The following SGCE variants were observed in gnomAD, a reference collection of about 807,000 sequenced individuals.
SGCE encodes the protein sarcoglycan epsilon.
A neutral mutation model predicts 57.8 loss-of-function variants in SGCE; 26 were observed. The observed-to-expected ratio is 0.45, with a 90% CI of 0.33 to 0.62. SGCE has a LOEUF of 0.62. SGCE is among the 20% of genes least tolerant of loss of function. The pLI is 0.02. For synonymous variants in SGCE, 183 were observed against 189.5 expected (o/e 0.97, Z 0.28); for missense variants, 468 against 548.6 (o/e 0.85, Z 1.47).
rs375983969 is a variant in SGCE, at chr7:94,628,357, C to T, written c.235G>A (p.Glu79Lys). The change falls in exon 3 of 11, where the codon GAG (glutamate) becomes AAG (lysine). Residue 79 changes from glutamate to lysine, a missense_variant and splice_region_variant. Glu to Lys is a moderately conservative substitution (Grantham distance 56). Transcript: ENST00000648936. ...GEFPPYPKPGEISNDPITFNT... is the reference protein window; with the variant it reads ...GEFPPYPKPGKISNDPITFNT... ...AATGTTATGGGATCATTACTAATCT[C>T]GCCTAGATAAGAAACAGAGAATTAA... 43 of 1,606,574 alleles carry T rather than the reference C, an allele frequency of 2.7e-5. No individual in the cohort carries two copies. Among genetic ancestry groups the T allele is most frequent in the Middle Eastern group, 3.4e-4 (2 of 5,836 alleles).
At chr7:94,590,422 TTAAGAA>T (rs1373172341) in intron 9 of SGCE, 4 of 152,132 alleles carry the variant, frequency 2.6e-5, no homozygotes, top group African/African-American at 7.2e-5. Context: ...CCAAAGTATA[TTAAGAA>T]TAAGAACCAT....
chr7:94,627,028 A>T (rs1803827209), intron 3 of SGCE: 1 of 152,022 alleles, frequency 6.6e-6, no homozygotes, highest in African/African-American at 2.4e-5. Context: ...CTGAATATTT[A>T]AAAAAATTAA....
intron 1 of SGCE, among the ~76,000 whole-genome samples, chr7:94,634,728 T>A (rs1364806611): frequency 6.6e-6 from 1 of 152,192 alleles, no homozygotes; most frequent in Admixed American, 6.5e-5. Context: ...TTTTGTGGCG[T>A]ATTTCCTAGT....
chr7:94,651,456 G>A (rs746000078), intron 1 of SGCE, among the ~76,000 whole-genome samples: 6 of 152,088 alleles, frequency 3.9e-5, no homozygotes, highest in Non-Finnish European at 7.4e-5. Context: ...ACACCTCGCC[G>A]GTGCTGGTTC....
chr7:94,605,391 CTTAA>C (rs1176417068), intron 5 of SGCE, among the ~76,000 whole-genome samples: 5 of 152,088 alleles, frequency 3.3e-5, no homozygotes, highest in Admixed American at 6.6e-5. Flanking sequence ...TTTTATTTTT[CTTAA>C]TTGATCTAAC....
chr7:94,605,335 TAAAGA>T (rs567536436), intron 5 of SGCE, among the ~76,000 whole-genome samples: 71 of 150,536 alleles, frequency 4.7e-4, no homozygotes, highest in Admixed American at 8.0e-4. Context: ...CAGATCTACA[TAAAGA>T]AAAGTAGAGC....
chr7:94,593,183 T>C (rs1382538463), intron 9 of SGCE, among the ~76,000 whole-genome samples: 1 of 152,162 alleles, frequency 6.6e-6, no homozygotes, highest in African/African-American at 2.4e-5. Flanking sequence ...ATTAGAAGAC[T>C]TAATTCTACT....
chr7:94,628,055 T>C (rs1223288774), intron 3 of SGCE, 147 bp downstream of exon 3: 3 of 621,108 alleles, frequency 4.8e-6, no homozygotes, highest in African/African-American at 1.8e-5. Context: ...TTCCAAATGT[T>C]ATCTACTGTG....
chr7:94,652,595 T>C (rs1808056499), intron 1 of SGCE, among the ~76,000 whole-genome samples: 1 of 152,234 alleles, frequency 6.6e-6, no homozygotes, highest in Admixed American at 6.5e-5. Context: ...TTTTCTGGTG[T>C]TGTCCCTTAT....
intron 4 of SGCE, chr7:94,619,220 G>A (rs946744940): frequency 7.7e-5 from 24 of 311,598 alleles, no homozygotes; most frequent in African/African-American, 3.9e-4. Context: ...ATAGAATTTG[G>A]CAAAACAACT....
chr7:94,599,669 A>C (rs2116684317), intron 8 of SGCE, 28 bp downstream of exon 8: 1 of 1,603,436 alleles, frequency 6.2e-7, no homozygotes, highest in African/African-American at 1.3e-5. Context: ...AAAATGATGA[A>C]GAAAATAACA....
rs774045225 is a variant in SGCE at position 94,656,032 on chromosome 7, G to A, written c.67C>T (p.Arg23Cys). Reference protein sequence around the residue: ...CAWTGQGRGTRRMSPATTGTF... With the variant: ...CAWTGQGRGTCRMSPATTGTF... ...CCAGTGGTCGCGGGGCTCATCCTGC[G>A]TGTCCCCCGACCCTGTCCCGTCCAA... Residue 23 changes from arginine to cysteine, a missense_variant, in exon 1 of 11, where the codon CGC (arginine) becomes TGC (cysteine). By Grantham distance (180) the Arg-to-Cys change is radical (BLOSUM62 -3). Transcript: ENST00000648936. 1 of 1,612,934 alleles carries A rather than the reference G, an allele frequency of 6.2e-7. No homozygotes were observed.
At chr7:94,626,292 T>C (rs116108346) in intron 3 of SGCE, 18 of 152,078 alleles carry the variant, frequency 1.2e-4, no homozygotes, top group Admixed American at 9.8e-4. Flanking sequence ...TATAGTGAAA[T>C]TGATAAATTT....
intron 5 of SGCE, among the ~76,000 whole-genome samples, chr7:94,606,557 A>G (rs540273583): frequency 5.9e-5 from 9 of 152,228 alleles, no homozygotes; most frequent in Non-Finnish European, 1.3e-4. Context: ...CTCTATCAGA[A>G]ATGGACACAA....
chr7:94,630,901 C>G (rs1314215138), intron 1 of SGCE, among the ~76,000 whole-genome samples: 1 of 151,944 alleles, frequency 6.6e-6, no homozygotes, highest in African/African-American at 2.4e-5. Flanking sequence ...CACTGAACTA[C>G]ATTTTTCAGC....
chr7:94,650,735 T>C (rs1008991443), intron 1 of SGCE, among the ~76,000 whole-genome samples: 1 of 152,220 alleles, frequency 6.6e-6, no homozygotes, highest in African/African-American at 2.4e-5. Context: ...AAGTTGATTG[T>C]TTTGTTGAGC....
In SGCE at chr7:94,623,305, C is replaced by A; in HGVS notation, c.463+20G>T. The A allele has an allele frequency of 7.0e-7, 1 of 1,427,474 alleles. No homozygotes were observed. Among genetic ancestry groups the A allele is most frequent in the South Asian group, 1.2e-5 (1 of 83,006 alleles). 88.4% of individuals were successfully genotyped at this position (1,427,474 alleles called of 1,614,324 possible). A position where few individuals can be genotyped will look rare whatever the true frequency, so the allele number is the denominator to read the frequency against. On this transcript the variant is annotated intron_variant, in intron 4 of 10. Transcript: ENST00000648936. The stretch of plus-strand genomic sequence containing the variant: ...ATACTTCTTATAAATAAGAAATGAT[C>A]AACATATTTTCATACCTACCTTCTG...
intron 8 of SGCE, chr7:94,599,281 T>C: frequency 3.4e-6 from 1 of 294,188 alleles, no homozygotes; most frequent in Non-Finnish European, 6.2e-6. Flanking sequence ...AAAACTACCA[T>C]AGCTTTTATA....
chr7:94,630,029 G>GA, intron 1 of SGCE, 188 bp from the exon 2 acceptor site: 1 of 588,404 alleles, frequency 1.7e-6, no homozygotes, highest in Non-Finnish European at 2.9e-6. Context: ...GACAAAATGG[G>GA]AAAAAATTCT....
Sources: gnomAD v4.1 joint callset for allele counts (sites outside exome capture counted in the v4.1 genomes callset) on GRCh38, gnomAD v4.1.1 for gene constraint, MANE v1.5 for transcripts, NCBI Gene and HGNC (gene_info 2026-07-23, HGNC 2026-07-21) for gene names.